NSD2: variants seen among roughly 807,000 people sequenced by gnomAD.
NSD2 encodes the protein histone-lysine N-methyltransferase NSD2.
In NSD2, 12 loss-of-function variants were observed where a neutral mutation model predicts 139.0. The ratio of observed to expected loss-of-function variants is 0.09; its 90% CI spans 0.06 to 0.14. The LOEUF (loss-of-function observed/expected upper bound fraction) is 0.14. NSD2 is among the 10% of genes least tolerant of loss of function. The probability of loss-of-function intolerance (pLI) is 1.00; values close to 1 mark genes in which losing one functional copy is unlikely to be tolerated. For synonymous variants in NSD2, 669 were observed against 648.7 expected (o/e 1.03, Z -0.48); for missense variants, 1,155 against 1,745.0 (o/e 0.66, Z 6.02).
chr4:1,978,349 C>T lies in NSD2; in HGVS notation c.3827-289C>T, dbSNP rs373754992. On this transcript the variant is annotated intron_variant, in intron 21 of 21. Transcript: ENST00000508803. Reference sequence around the variant, plus strand: ...CACAGCAGCCCCTGCCTGTCCACGCCGCGCTGGGGGACACTCCTGCACCCG... The same window carrying T: ...CACAGCAGCCCCTGCCTGTCCACGCTGCGCTGGGGGACACTCCTGCACCCG... Among the ~76,000 whole-genome samples, 16 of 152,268 alleles carry T rather than the reference C, an allele frequency of 1.1e-4. No homozygotes were observed. The South Asian group carries it at 2.5e-3, about 24-fold the overall frequency.
chr4:1,900,722 A>G lies in NSD2; in HGVS notation c.68A>G (p.Gln23Arg). 1 of 1,613,914 alleles carries G rather than the reference A, an allele frequency of 6.2e-7. No individual in the cohort carries two copies. The highest frequency in any genetic ancestry group is 8.5e-7 in the Non-Finnish European group (1 of 1,179,926). ...GTTGTAAAGTGCATAAAGATGAAGC[A>G]GGCACCAGAAATCCTCGGCAGTGCC... Reference protein sequence around the residue: ...QSVVKCIKMKQAPEILGSANG... With the variant: ...QSVVKCIKMKRAPEILGSANG... The change falls in exon 2 of 22, where the codon CAG (glutamine) becomes CGG (arginine). Residue 23 changes from glutamine to arginine, a missense_variant. This residue lies in a region of NSD2 where 246 missense variants were observed against 262.8 expected (regional missense o/e 0.94). Transcript: ENST00000508803.
chr4:1,966,973 A>G (rs1237572069), intron 18 of NSD2, among the ~76,000 whole-genome samples: 3 of 152,218 alleles, frequency 2.0e-5, no homozygotes, highest in Admixed American at 6.5e-5. Context: ...GAGAAAATCA[A>G]TGAAACCAAA....
chr4:1,965,265 T>A (rs1270572550), intron 18 of NSD2, among the ~76,000 whole-genome samples: 1 of 152,044 alleles, frequency 6.6e-6, no homozygotes, highest in Non-Finnish European at 1.5e-5. Context: ...AAAATGGCAG[T>A]ATCAATGAAG....
intron 18 of NSD2, among the ~76,000 whole-genome samples, chr4:1,965,421 C>G (rs1463398824): frequency 6.6e-6 from 1 of 152,050 alleles, no homozygotes; most frequent in Non-Finnish European, 1.5e-5. Flanking sequence ...GTGGGAGTCC[C>G]AGATGGTGAA....
intron 3 of NSD2, among the ~76,000 whole-genome samples, chr4:1,908,741 G>A (rs952362232): frequency 6.6e-6 from 1 of 152,070 alleles, no homozygotes; most frequent in African/African-American, 2.4e-5. Context: ...GGGACCTGTG[G>A]GCTGTGCTTG....
At position 1,980,994 on chromosome 4, in the gene NSD2, G is replaced by A. The variant is rs1376085200; in HGVS notation, c.*2085G>A. The A allele has an allele frequency of 2.6e-5, 6 of 233,164 alleles. No homozygotes were observed. Among genetic ancestry groups the A allele is most frequent in the Non-Finnish European group, 4.2e-5 (5 of 118,054 alleles). 14.4% of individuals were successfully genotyped at this position (233,164 alleles called of 1,614,324 possible). ...GGGCCCCGCTGTCACTTGCCCAAAA[G>A]ATCCCTTCCGGCAGGTAAGGGACTA... On this transcript the variant is annotated 3_prime_UTR_variant, in exon 22 of 22. Transcript: ENST00000508803.
intron 12 of NSD2, among the ~76,000 whole-genome samples, chr4:1,953,825 T>C (rs1171973095): frequency 6.6e-6 from 1 of 151,946 alleles, no homozygotes; most frequent in Admixed American, 6.6e-5. Flanking sequence ...GATAGAGTCT[T>C]GCTCTGTTAC....
At position 1,973,321 on chromosome 4, in the gene NSD2, G is replaced by A. The variant is rs762285071; in HGVS notation, c.3373-1542G>A. ...AATGGTAGGAATGTAGGTTAGACACGGTGCTGCCAGGCGTCAGAGGCTGGG... is the reference window on the plus strand; with the variant it reads ...AATGGTAGGAATGTAGGTTAGACACAGTGCTGCCAGGCGTCAGAGGCTGGG... On this transcript the variant is annotated intron_variant, in intron 18 of 21. Transcript: ENST00000508803. This position sits in a 1 kb window ranked among gnomAD's most constrained non-coding sequence, Gnocchi z 5.5. Among the ~76,000 whole-genome samples the A allele has an allele frequency of 2.0e-5, 3 of 152,206 alleles. No homozygotes were observed. Among genetic ancestry groups the A allele is most frequent in the Non-Finnish European group, 2.9e-5 (2 of 68,038 alleles).
chr4:1,935,034 C>A, intron 6 of NSD2, 110 bp from the exon 7 acceptor site: 1 of 667,550 alleles, frequency 1.5e-6, no homozygotes, highest in Admixed American at 3.1e-5. Flanking sequence ...ACAGGAAACC[C>A]ATCATGGGCT....
At position 1,974,213 on chromosome 4, in the gene NSD2, GTCTT is replaced by G. The variant is rs1346565937; in HGVS notation, c.3373-648_3373-645del. Reference sequence around the variant, plus strand: ...CCTTTGCTGGTTTTCGGTTGGGTGAGTCTTTTTTTTTTTTGAGACGGAGTTTTGC... The same window carrying G: ...CCTTTGCTGGTTTTCGGTTGGGTGAGTTTTTTTTTTGAGACGGAGTTTTGC... On this transcript the variant is annotated intron_variant, in intron 18 of 21. Coordinates refer to ENST00000508803, the MANE Select transcript of NSD2 (RefSeq NM_001042424.3). The surrounding 1 kb of genome is among the most constrained non-coding windows in gnomAD (Gnocchi z 4.0). Among the ~76,000 whole-genome samples the G allele has an allele frequency of 1.3e-5, 2 of 151,250 alleles. No homozygotes were observed. The highest frequency in any genetic ancestry group is 4.9e-5 in the African/African-American group (2 of 41,048).
At chr4:1,931,157 G>A (rs1295882045) in intron 6 of NSD2, among the ~76,000 whole-genome samples, 2 of 152,136 alleles carry the variant, frequency 1.3e-5, no homozygotes, top group Admixed American at 6.5e-5. Flanking sequence ...TGTGACTTCC[G>A]AGGAGGCAGC....
chr4:1,905,003 G>A (rs1322736000), intron 3 of NSD2, among the ~76,000 whole-genome samples: 5 of 151,960 alleles, frequency 3.3e-5, no homozygotes, highest in African/African-American at 9.7e-5. Context: ...GGTGGTGCAC[G>A]CCTGTAATCC....
chr4:1,952,342 C>A (rs1340644801), intron 11 of NSD2, 111 bp downstream of exon 11: 13 of 1,478,192 alleles, frequency 8.8e-6, no homozygotes, highest in Non-Finnish European at 1.2e-5. Context: ...CCCCTCCCCA[C>A]CCCCACCGCC....
At chr4:1,951,008 C>T in intron 9 of NSD2, 64 bp from the exon 10 acceptor site, 1 of 1,592,094 alleles carries the variant, frequency 6.3e-7, no homozygotes, top group Non-Finnish European at 8.6e-7. Flanking sequence ...AGCCTGCCTG[C>T]AGGGCATGGC....
intron 15 of NSD2, among the ~76,000 whole-genome samples, chr4:1,957,274 GT>G (rs974875179): frequency 2.0e-5 from 3 of 150,822 alleles, no homozygotes; most frequent in African/African-American, 7.3e-5. Context: ...TCAGCTGCAT[GT>G]TTTTTTGTTT....
rs1017681993 is a variant in NSD2, at chr4:1,944,514, C to G, written c.1881+4736C>G. On this transcript the variant is annotated intron_variant, in intron 9 of 21. Transcript: ENST00000508803. The stretch of plus-strand genomic sequence containing the variant: ...CTCACTTCAGACCATCTTCCACACA[C>G]TATGTCTGTGCTTGGAGAGGGGAGG... 3 of 1,065,434 alleles carry G rather than the reference C, an allele frequency of 2.8e-6. No individual in the cohort carries two copies. In the African/African-American group the frequency reaches 4.9e-5, roughly 17 times the overall value. The allele number at this position is 1,065,434 out of a possible 1,614,324, so 66.0% of individuals were successfully genotyped here. A position where few individuals can be genotyped will look rare whatever the true frequency, so the allele number is the denominator to read the frequency against.
intron 2 of NSD2, 108 bp from the exon 3 acceptor site, chr4:1,904,108 G>T (rs2108756328): frequency 2.5e-6 from 3 of 1,217,278 alleles, no homozygotes; most frequent in East Asian, 5.0e-5. Context: ...CTCCATTTTT[G>T]GGGGTCTGTG....
intron 9 of NSD2, chr4:1,943,135 GA>G (rs1242461062): frequency 9.6e-7 from 1 of 1,044,778 alleles, no homozygotes; most frequent in Non-Finnish European, 1.2e-6. Context: ...TAATGTCGGG[GA>G]GCAGCCTGGT....
At chr4:1,961,189 T>A (rs1365839056) in intron 18 of NSD2, 38 bp downstream of exon 18, 1 of 1,542,276 alleles carries the variant, frequency 6.5e-7, no homozygotes, top group Admixed American at 1.7e-5. Context: ...TGCAGTGTGC[T>A]GGACCTGGAG....
Sources: gnomAD v4.1 joint callset for allele counts (sites outside exome capture counted in the v4.1 genomes callset) on GRCh38, gnomAD v4.1.1 for gene constraint, gnomAD v4.1.1 regional missense constraint, Gnocchi (gnomAD v3.1) non-coding constraint, MANE v1.5 for transcripts, NCBI Gene and HGNC (gene_info 2026-07-23, HGNC 2026-07-21) for gene names.